Variants in HNF4G observed in about 807,000 individuals in gnomAD.
The protein encoded by HNF4G is hepatocyte nuclear factor 4-gamma.
A neutral mutation model predicts 50.9 loss-of-function variants in HNF4G; 21 were observed. The ratio of observed to expected loss-of-function variants is 0.41; its 90% CI spans 0.29 to 0.59. The LOEUF (loss-of-function observed/expected upper bound fraction) is 0.59. Ranked by LOEUF, HNF4G falls within the 20% of genes least tolerant of loss-of-function variation. The probability of loss-of-function intolerance (pLI) is 0.26; values close to 1 mark genes in which losing one functional copy is unlikely to be tolerated. For missense variants in HNF4G, 527 were observed against 559.4 expected (o/e 0.94, Z 0.58); for synonymous variants, 198 against 185.6 (o/e 1.07, Z -0.54).
rs1400246578 is a variant in HNF4G at position 75,565,875 on chromosome 8, C to T, written c.*1779C>T. ...TAAAATTCCTTCACGACCTGGTACC[C>T]TTGTGAAACTGTAAAATATATCATA... is the stretch of plus-strand genomic sequence containing the variant. On this transcript the variant is annotated 3_prime_UTR_variant, in exon 10 of 10. Coordinates refer to ENST00000396423, the MANE Select transcript of HNF4G (RefSeq NM_004133.5). The T allele has an allele frequency of 6.6e-6, 1 of 152,040 alleles. No homozygotes were observed. Among genetic ancestry groups the T allele is most frequent in the African/African-American group, 2.4e-5 (1 of 41,396 alleles). The allele number at this position is 152,040 out of a possible 1,614,324, so 9.4% of individuals were successfully genotyped here.
chr8:75,423,103 C>G (rs1263290820), intron 1 of HNF4G, among the ~76,000 whole-genome samples: 1 of 152,050 alleles, frequency 6.6e-6, no homozygotes, highest in Non-Finnish European at 1.5e-5. Context: ...TCTTCCTTGA[C>G]CTCCTATTCC....
chr8:75,523,499 T>G (rs1398714287), intron 2 of HNF4G, among the ~76,000 whole-genome samples: 1 of 152,172 alleles, frequency 6.6e-6, no homozygotes, highest in African/African-American at 2.4e-5. Flanking sequence ...CACTCCTAGA[T>G]ATATAATAAA....
intron 6 of HNF4G, among the ~76,000 whole-genome samples, chr8:75,558,054 T>C (rs1000387299): frequency 2.6e-5 from 4 of 152,024 alleles, no homozygotes; most frequent in Non-Finnish European, 5.9e-5. Flanking sequence ...AAAATCAACC[T>C]CCTTTACTTA....
chr8:75,435,320 T>C (rs924842298), intron 1 of HNF4G, among the ~76,000 whole-genome samples: 2 of 152,172 alleles, frequency 1.3e-5, no homozygotes, highest in African/African-American at 2.4e-5. Flanking sequence ...ATCTTACAAA[T>C]ACAGAAAAAC....
intron 1 of HNF4G, among the ~76,000 whole-genome samples, chr8:75,423,817 T>TTC (rs1810830860): frequency 2.6e-5 from 1 of 37,950 alleles, no homozygotes; most frequent in Non-Finnish European, 4.8e-5. Context: ...GTTTCTTTCT[T>TTC]TTTTTTTTTT....
At chr8:75,419,130 AAAT>A (rs1265528297) in intron 1 of HNF4G, among the ~76,000 whole-genome samples, 1 of 152,212 alleles carries the variant, frequency 6.6e-6, no homozygotes, top group African/African-American at 2.4e-5. Flanking sequence ...TGTTTTGATT[AAAT>A]AGCAGCAGAG....
In HNF4G at chr8:75,464,958, T is replaced by C. The variant is rs1339841839; in HGVS notation, c.-143-25131T>C. On this transcript the variant is annotated intron_variant, in intron 1 of 10. Transcript: ENST00000354370. Reference sequence around the variant, plus strand: ...GAATGAGGCATGATGTAAAGGGTGGTAAACCTTGTTTTCTAATCCTTGTCT... The same window carrying C: ...GAATGAGGCATGATGTAAAGGGTGGCAAACCTTGTTTTCTAATCCTTGTCT... Among the ~76,000 whole-genome samples the C allele has an allele frequency of 2.0e-5, 3 of 152,174 alleles. No individual in the cohort carries two copies. The East Asian group carries it at 5.8e-4, about 29-fold the overall frequency.
At chr8:75,498,050 C>T (rs928112168) in intron 2 of HNF4G, among the ~76,000 whole-genome samples, 7 of 151,826 alleles carry the variant, frequency 4.6e-5, no homozygotes, top group East Asian at 1.9e-4. Context: ...GAATCCCTGT[C>T]GGCACACAAG....
At chr8:75,557,693 A>G (rs374472728) in intron 6 of HNF4G, among the ~76,000 whole-genome samples, 13 of 152,268 alleles carry the variant, frequency 8.5e-5, no homozygotes, top group African/African-American at 3.1e-4. Flanking sequence ...TCATAACTCC[A>G]TAAAGCTGGA....
chr8:75,523,438 T>C (rs1020097240), intron 2 of HNF4G, among the ~76,000 whole-genome samples: 1 of 152,236 alleles, frequency 6.6e-6, no homozygotes, highest in African/African-American at 2.4e-5. Context: ...TTTAAGAAAA[T>C]ATTTTAATCT....
At chr8:75,463,811 G>A (rs112771653) in intron 1 of HNF4G, among the ~76,000 whole-genome samples, 14,488 of 96,278 alleles carry the variant, frequency 0.15, 786 homozygotes, top group Middle Eastern at 0.17. Flanking sequence ...TTTTGTTCTT[G>A]TTGCCCAGGC....
Position 75,551,132 on chromosome 8 carries a change from C to T in HNF4G, c.383-256C>T, listed in dbSNP as rs550614991. ...CCACCCTATTAAAAATACAGCGTGG[C>T]GGAACTGGCTGACCCAACACTTTCT... On this transcript the variant is annotated intron_variant, in intron 3 of 9. Transcript: ENST00000396423. Among the ~76,000 whole-genome samples, 5 of 152,110 alleles carry T rather than the reference C, an allele frequency of 3.3e-5. No homozygotes were observed. In the South Asian group the frequency reaches 6.2e-4, roughly 19 times the overall value.
rs1241662565 is a variant in HNF4G at position 75,541,285 on chromosome 8, G to A, written c.118+1205G>A. 2.0e-5 allele frequency among the ~76,000 whole-genome samples: 3 copies of A among 152,100 alleles called. No homozygotes were observed. The East Asian group carries it at 5.8e-4, about 29-fold the overall frequency. Reference sequence around the variant, plus strand: ...TGTATGGCTATATCCAAAGTATGGTGTAACTTGTTTGTTTGTAATAATGTT... The same window carrying A: ...TGTATGGCTATATCCAAAGTATGGTATAACTTGTTTGTTTGTAATAATGTT... On this transcript the variant is annotated intron_variant, in intron 1 of 9. Transcript: ENST00000396423.
intron 1 of HNF4G, among the ~76,000 whole-genome samples, chr8:75,455,756 A>T (rs975766355): frequency 6.6e-6 from 1 of 152,078 alleles, no homozygotes; most frequent in African/African-American, 2.4e-5. Context: ...TAAGATGTTA[A>T]TTTTTTTAAA....
At chr8:75,484,465 G>A (rs1290091780) in intron 1 of HNF4G, among the ~76,000 whole-genome samples, 1 of 152,158 alleles carries the variant, frequency 6.6e-6, no homozygotes, top group East Asian at 1.9e-4. Context: ...GGGCCTCCCT[G>A]GAATTCTCCT....
chr8:75,458,557 G>A (rs1563514732), intron 1 of HNF4G, among the ~76,000 whole-genome samples: 3 of 151,948 alleles, frequency 2.0e-5, no homozygotes, highest in Non-Finnish European at 4.4e-5. Context: ...TTTTGTCTTT[G>A]AGCATGAAAA....
At chr8:75,525,660 C>A (rs1172006807) in intron 2 of HNF4G, among the ~76,000 whole-genome samples, 2 of 152,102 alleles carry the variant, frequency 1.3e-5, no homozygotes, top group African/African-American at 4.8e-5. Context: ...TCCACACGTA[C>A]ATTGTTGTGG....
At chr8:75,524,517 G>A (rs1806130690) in intron 2 of HNF4G, among the ~76,000 whole-genome samples, 1 of 152,050 alleles carries the variant, frequency 6.6e-6, no homozygotes, top group Non-Finnish European at 1.5e-5. Context: ...ATGTCCATAT[G>A]TTACATATTT....
intron 1 of HNF4G, among the ~76,000 whole-genome samples, chr8:75,450,602 G>A (rs1375005121): frequency 9.2e-5 from 14 of 152,106 alleles, no homozygotes; most frequent in Admixed American, 9.2e-4. Context: ...AACACTAGTG[G>A]TCTTTCATCT....
Sources: allele counts gnomAD v4.1 joint callset (sites outside exome capture counted in the v4.1 genomes callset), GRCh38; gene constraint gnomAD v4.1.1; transcripts MANE v1.5; gene names NCBI Gene and HGNC (gene_info 2026-07-23, HGNC 2026-07-21).